EPRS1: variants seen among roughly 807,000 people sequenced by gnomAD.
EPRS1 encodes bifunctional glutamate/proline--tRNA ligase.
EPRS1 carries 107 observed loss-of-function variants against 188.3 expected under a neutral mutation model. The observed-to-expected ratio is 0.57, with a 90% confidence interval of 0.49 to 0.67. The LOEUF is 0.67. EPRS1 is among the 30% of genes least tolerant of loss of function. The probability of loss-of-function intolerance (pLI) is 0.00; values close to 1 mark genes in which losing one functional copy is unlikely to be tolerated. For missense variants in EPRS1, 1,577 were observed against 1,802.2 expected (o/e 0.88, Z 2.26); for synonymous variants, 596 against 593.1 (o/e 1.00, Z -0.07).
At chr1:220,028,525 G>A (rs1662028489) in intron 6 of EPRS1, among the ~76,000 whole-genome samples, 1 of 151,932 alleles carries the variant, frequency 6.6e-6, no homozygotes, top group Non-Finnish European at 1.5e-5. Flanking sequence ...ATGCTGAATT[G>A]GGCTTCTGCC....
In EPRS1 at chr1:220,020,043, C is replaced by T; in HGVS notation, c.1294G>A (p.Val432Met). 1 of 1,614,058 alleles carries T rather than the reference C, an allele frequency of 6.2e-7. No homozygotes were observed. Among genetic ancestry groups the T allele is most frequent in the Non-Finnish European group, 8.5e-7 (1 of 1,179,974 alleles). ...EYSRLNLNNT[V>M]LSKRKLTWFV... is the part of the protein sequence containing the mutation. Reference sequence around the variant, plus strand: ...CATGTGAGTTTTCTTTTGGATAGCACTGTGTTGTTGAGATTTAGCCGACTA... The same window carrying T: ...CATGTGAGTTTTCTTTTGGATAGCATTGTGTTGTTGAGATTTAGCCGACTA... The change falls in exon 10 of 32, where the codon GTG becomes ATG. Residue 432 changes from valine (V) to methionine (M), a missense_variant. This residue lies in a region of EPRS1 where 1,278 missense variants were observed against 1,457.4 expected (regional missense o/e 0.88). Transcript: ENST00000366923.
chr1:219,975,330 T>C (rs1352455272), intron 28 of EPRS1, among the ~76,000 whole-genome samples: 2 of 152,218 alleles, frequency 1.3e-5, no homozygotes, highest in Non-Finnish European at 2.9e-5. Context: ...ACTAATCTAA[T>C]AAATTCATGT....
At chr1:220,045,688 C>G (rs1468423624) in intron 1 of EPRS1, among the ~76,000 whole-genome samples, 1 of 152,158 alleles carries the variant, frequency 6.6e-6, no homozygotes, top group Non-Finnish European at 1.5e-5. Flanking sequence ...CTGAAATTTA[C>G]TACACATCCA....
chr1:219,995,958 T>C (rs1661223800), intron 18 of EPRS1, among the ~76,000 whole-genome samples: 5 of 152,196 alleles, frequency 3.3e-5, no homozygotes, highest in Admixed American at 3.3e-4. Flanking sequence ...TGGTGTACCA[T>C]ACCTCTCTGT....
intron 3 of EPRS1, 78 bp downstream of exon 3, chr1:220,034,836 C>T: frequency 1.2e-6 from 1 of 833,586 alleles, no homozygotes; most frequent in Non-Finnish European, 2.1e-6. Context: ...GTTCATAAGC[C>T]AACAATAAAT....
chr1:220,028,467 GCA>G (rs10570178), intron 6 of EPRS1, among the ~76,000 whole-genome samples: 129,902 of 151,156 alleles, frequency 0.86, 56,192 homozygotes, highest in African/African-American at 0.96. Context: ...ACACACACGC[GCA>G]CACACACACA....
chr1:220,016,110 C>A (rs1341446887), intron 12 of EPRS1, among the ~76,000 whole-genome samples: 1 of 152,116 alleles, frequency 6.6e-6, no homozygotes, highest in African/African-American at 2.4e-5. Flanking sequence ...CTCCGGGAGG[C>A]TGAGGTGGGC....
chr1:220,045,400 A>C (rs1662381990), intron 1 of EPRS1, among the ~76,000 whole-genome samples: 1 of 152,038 alleles, frequency 6.6e-6, no homozygotes, highest in Non-Finnish European at 1.5e-5. Context: ...GCTACTAAGG[A>C]GGCTGAGGTG....
intron 28 of EPRS1, 109 bp from the exon 29 acceptor site, chr1:219,973,507 A>C: frequency 2.9e-6 from 2 of 690,890 alleles, no homozygotes; most frequent in East Asian, 3.1e-5. Context: ...CCAAAAAACA[A>C]AGGCAAAGCC....
chr1:220,008,051 G>C (rs1661526876), intron 13 of EPRS1, among the ~76,000 whole-genome samples: 1 of 150,862 alleles, frequency 6.6e-6, no homozygotes, highest in Non-Finnish European at 1.5e-5. Context: ...AGGCTGCAGT[G>C]AGCCGAGATT....
intron 30 of EPRS1, among the ~76,000 whole-genome samples, chr1:219,969,549 C>T (rs1158106977): frequency 6.6e-6 from 1 of 151,362 alleles, no homozygotes; most frequent in Non-Finnish European, 1.5e-5. Context: ...TTGTTAACAG[C>T]AACAATTAAC....
intron 18 of EPRS1, among the ~76,000 whole-genome samples, chr1:219,995,214 CTT>C (rs1489643977): frequency 1.3e-5 from 2 of 152,172 alleles, no homozygotes; most frequent in Non-Finnish European, 2.9e-5. Flanking sequence ...CTTAAGCTGA[CTT>C]TTCATAACCT....
chr1:219,995,808 T>G lies in EPRS1; in HGVS notation c.2541+1175A>C, dbSNP rs74967902. 5.3e-3 allele frequency among the ~76,000 whole-genome samples: 812 copies of G among 152,290 alleles called. 7 individuals are homozygous for G. The highest frequency in any genetic ancestry group is 0.019 in the African/African-American group (788 of 41,562). Reference sequence around the variant, plus strand: ...TGAATCAAAGTATCTTAGGTGGCAGTGTTTCATGTCAGATGCCAGCAACTT... The same window carrying G: ...TGAATCAAAGTATCTTAGGTGGCAGGGTTTCATGTCAGATGCCAGCAACTT... On this transcript the variant is annotated intron_variant, in intron 18 of 31. Transcript: ENST00000366923.
At chr1:220,032,905 C>A (rs1288424688) in intron 4 of EPRS1, among the ~76,000 whole-genome samples, 3 of 151,866 alleles carry the variant, frequency 2.0e-5, no homozygotes, top group Admixed American at 6.6e-5. Flanking sequence ...TATACACACA[C>A]ATATATATGT....
intron 26 of EPRS1, 42 bp downstream of exon 26, chr1:219,980,043 G>C: frequency 1.3e-6 from 2 of 1,575,774 alleles, no homozygotes; most frequent in Non-Finnish European, 1.7e-6. Flanking sequence ...TCCATGGACT[G>C]TGCTTACAGT....
rs71560597 is a variant in EPRS1 at position 220,044,681 on chromosome 1, C to CAAAAAAAAAA, written c.46+1652_46+1661dup. Among the ~76,000 whole-genome samples the CAAAAAAAAAA allele has an allele frequency of 1.3e-3, 111 of 88,338 alleles. 14 individuals are homozygous for CAAAAAAAAAA. The highest frequency in any genetic ancestry group is 3.6e-3 in the African/African-American group (87 of 24,120). The allele number at this position is 88,338 out of a possible 152,430, so 58.0% of individuals were successfully genotyped here. A position where few individuals can be genotyped will look rare whatever the true frequency, so the allele number is the denominator to read the frequency against. ...CAGAGGTTGCAATGAGCTCGGTCTCCAAAAAAAAAAAAAAAAAAAAAAAAA... is the reference window on the plus strand; with the variant it reads ...CAGAGGTTGCAATGAGCTCGGTCTCCAAAAAAAAAAAAAAAAAAAAAAAAAAAAAAAAAAA... On this transcript the variant is annotated intron_variant, in intron 1 of 31. Transcript: ENST00000366923.
intron 12 of EPRS1, among the ~76,000 whole-genome samples, chr1:220,011,547 A>C (rs187637510): frequency 8.3e-4 from 126 of 152,350 alleles, no homozygotes; most frequent in Admixed American, 1.5e-3. Context: ...CACTATAATA[A>C]GGCAATTCTA....
intron 3 of EPRS1, 56 bp from the exon 4 acceptor site, chr1:220,033,714 G>GA: frequency 7.3e-7 from 1 of 1,366,912 alleles, no homozygotes; most frequent in Non-Finnish European, 1.0e-6. Flanking sequence ...CTTATAAAAA[G>GA]AAAGACCATA....
chr1:220,002,673 A>C (rs984453294), intron 16 of EPRS1, among the ~76,000 whole-genome samples: 1 of 152,068 alleles, frequency 6.6e-6, no homozygotes, highest in Non-Finnish European at 1.5e-5. Flanking sequence ...TAGCCTGGGA[A>C]ACATGGTGAA....
Sources: gnomAD v4.1 joint callset for allele counts (sites outside exome capture counted in the v4.1 genomes callset) on GRCh38, gnomAD v4.1.1 for gene constraint, gnomAD v4.1.1 regional missense constraint, MANE v1.5 for transcripts, NCBI Gene and HGNC (gene_info 2026-07-23, HGNC 2026-07-21) for gene names.